Variants in GRK5 observed in about 807,000 individuals in gnomAD.
The protein encoded by GRK5 is G protein-coupled receptor kinase 5, also known as g protein-coupled receptor kinase GRK5.
Under a neutral mutation model 78.4 loss-of-function variants are expected in GRK5, and 40 were observed. That is an observed-to-expected ratio of 0.51 (90% CI 0.40 to 0.66). The LOEUF (loss-of-function observed/expected upper bound fraction) is 0.66, where lower values mean the gene tolerates loss of function less well. Ranked by LOEUF, GRK5 falls within the 30% of genes least tolerant of loss-of-function variation. The pLI is 0.00. For synonymous variants in GRK5, 289 were observed against 296.8 expected (o/e 0.97, Z 0.27); for missense variants, 598 against 759.9 (o/e 0.79, Z 2.50).
At chr10:119,367,124 T>C (rs1220230457) in intron 2 of GRK5, among the ~76,000 whole-genome samples, 3 of 152,172 alleles carry the variant, frequency 2.0e-5, no homozygotes, top group Non-Finnish European at 4.4e-5. Context: ...ATACATCAGG[T>C]GGCAAAGTGG....
At chr10:119,327,370 C>G (rs1850696986) in intron 2 of GRK5, among the ~76,000 whole-genome samples, 2 of 152,190 alleles carry the variant, frequency 1.3e-5, no homozygotes, top group Admixed American at 1.3e-4. Flanking sequence ...GGGGTCCCGG[C>G]CCTTCTCCCC....
At chr10:119,443,205 A>C (rs945705613) in intron 11 of GRK5, among the ~76,000 whole-genome samples, 1 of 152,212 alleles carries the variant, frequency 6.6e-6, no homozygotes, top group Non-Finnish European at 1.5e-5. Flanking sequence ...ATTTGGGTAG[A>C]TACACCTTTA....
At chr10:119,427,802 T>G (rs923889800) in intron 6 of GRK5, among the ~76,000 whole-genome samples, 4 of 129,232 alleles carry the variant, frequency 3.1e-5, no homozygotes, top group African/African-American at 2.5e-5. Flanking sequence ...ATCACCACCA[T>G]CAACAGCATC....
intron 1 of GRK5, among the ~76,000 whole-genome samples, chr10:119,233,582 G>C (rs1848866660): frequency 6.6e-6 from 1 of 152,184 alleles, no homozygotes; most frequent in Non-Finnish European, 1.5e-5. Flanking sequence ...CTGGGGGCCA[G>C]ATGTACCCCC....
At chr10:119,340,006 G>A (rs1564897314) in intron 2 of GRK5, among the ~76,000 whole-genome samples, 2 of 152,350 alleles carry the variant, frequency 1.3e-5, no homozygotes, top group East Asian at 3.9e-4. Context: ...CCAGCCAGCA[G>A]TAGAAAGGAA....
chr10:119,246,594 T>C (rs1849117164), intron 1 of GRK5, among the ~76,000 whole-genome samples: 1 of 152,248 alleles, frequency 6.6e-6, no homozygotes, highest in Non-Finnish European at 1.5e-5. Context: ...TAATGTCCTA[T>C]CACCAGTTAA....
rs115120519 is a variant in GRK5 at position 119,399,014 on chromosome 10, C to T, written c.339+2242C>T. Among the ~76,000 whole-genome samples, 868 of 152,340 alleles carry T rather than the reference C, an allele frequency of 5.7e-3. 6 individuals carry two copies. Among genetic ancestry groups the T allele is most frequent in the African/African-American group, 0.02 (828 of 41,566 alleles). ...CGGGTTGCCCCGTGGCCAACCTTGTCCAGAAGCCCCTGCTGGCAGCCCCTG... is the reference window on the plus strand; with the variant it reads ...CGGGTTGCCCCGTGGCCAACCTTGTTCAGAAGCCCCTGCTGGCAGCCCCTG... On this transcript the variant is annotated intron_variant, in intron 4 of 15. Coordinates refer to ENST00000392870, the MANE Select transcript of GRK5 (RefSeq NM_005308.3).
At chr10:119,274,799 G>A (rs780938915) in intron 1 of GRK5, among the ~76,000 whole-genome samples, 38 of 152,202 alleles carry the variant, frequency 2.5e-4, no homozygotes, top group Non-Finnish European at 1.3e-4. Context: ...ACACTGATCG[G>A]GAAGTCAGCA....
At chr10:119,216,819 G>T (rs1015439988) in intron 1 of GRK5, among the ~76,000 whole-genome samples, 16 of 152,188 alleles carry the variant, frequency 1.1e-4, no homozygotes, top group African/African-American at 3.9e-4. Flanking sequence ...GGATGTGGTG[G>T]TGGGTGCCTA....
intron 2 of GRK5, among the ~76,000 whole-genome samples, chr10:119,376,348 G>A (rs1158512707): frequency 6.6e-6 from 1 of 152,142 alleles, no homozygotes; most frequent in Admixed American, 6.5e-5. Flanking sequence ...TATAAGATGT[G>A]TCCCTTCCCA....
intron 5 of GRK5, 31 bp downstream of exon 5, chr10:119,423,297 C>A (rs778357791): frequency 1.3e-6 from 2 of 1,496,880 alleles, no homozygotes; most frequent in African/African-American, 2.8e-5. Flanking sequence ...GCCTGTCCTC[C>A]CCGGGCTGCC....
chr10:119,304,284 CTTTTTTTTTTTT>C lies in GRK5; in HGVS notation c.53-22218_53-22207del, dbSNP rs59740732. On this transcript the variant is annotated intron_variant, in intron 1 of 15. Coordinates refer to ENST00000392870, the MANE Select transcript of GRK5 (RefSeq NM_005308.3). ...AGCAGTATGCTAACTGTGTGAGCTG[CTTTTTTTTTTTT>C]TTTTTTTTTTTTTGACAGGGTCTTG... Among the ~76,000 whole-genome samples the C allele has an allele frequency of 5.2e-4, 39 of 75,052 alleles. No homozygotes were observed. In the Admixed American group the frequency reaches 6.5e-3, roughly 12 times the overall value. The allele number at this position is 75,052 out of a possible 152,430, so 49.2% of individuals were successfully genotyped here.
rs563651388 is a variant in GRK5, at chr10:119,226,277, A to G, written c.52+18308A>G. On this transcript the variant is annotated intron_variant, in intron 1 of 15. Coordinates refer to ENST00000392870, the MANE Select transcript of GRK5 (RefSeq NM_005308.3). Reference sequence around the variant, plus strand: ...ACAGGTGTGAGCCACTGTGCCTGGCATCTTCTTCTTTTTCTTTTTTTTTTT... The same window carrying G: ...ACAGGTGTGAGCCACTGTGCCTGGCGTCTTCTTCTTTTTCTTTTTTTTTTT... Among the ~76,000 whole-genome samples the G allele has an allele frequency of 1.9e-4, 27 of 143,006 alleles. 1 individual carries two copies. The South Asian group carries it at 6.0e-3, about 32-fold the overall frequency. 93.8% of individuals were successfully genotyped at this position (143,006 alleles called of 152,430 possible).
At chr10:119,281,447 G>A (rs905191342) in intron 1 of GRK5, among the ~76,000 whole-genome samples, 2 of 152,202 alleles carry the variant, frequency 1.3e-5, no homozygotes, top group African/African-American at 4.8e-5. Flanking sequence ...TAGGTGTCGA[G>A]CACCCAGAAG....
At chr10:119,439,819 A>G (rs761536918) in intron 10 of GRK5, 51 bp downstream of exon 10, 1 of 1,560,392 alleles carries the variant, frequency 6.4e-7, no homozygotes, top group Admixed American at 1.7e-5. Flanking sequence ...ACCCCAAGAA[A>G]GCAAAGGGCC....
intron 4 of GRK5, among the ~76,000 whole-genome samples, chr10:119,413,361 C>CT (rs945090848): frequency 6.6e-6 from 1 of 151,426 alleles, no homozygotes; most frequent in African/African-American, 2.4e-5. Flanking sequence ...CTGCTATTCT[C>CT]TATCTCCTTC....
At chr10:119,390,261 GAAAGAGGTTT>G (rs140124518) in intron 3 of GRK5, among the ~76,000 whole-genome samples, 7,764 of 152,246 alleles carry the variant, frequency 0.051, 356 homozygotes, top group East Asian at 0.22. Context: ...GTTTACAAAA[GAAAGAGGTTT>G]AACGGACTCA....
chr10:119,440,587 G>A (rs1160840690), intron 10 of GRK5, among the ~76,000 whole-genome samples: 1 of 138,716 alleles, frequency 7.2e-6, no homozygotes, highest in Non-Finnish European at 1.5e-5. Context: ...TTTTACTCTT[G>A]TTGCCCAGGC....
intron 2 of GRK5, among the ~76,000 whole-genome samples, chr10:119,332,107 ATTTTTTTT>A (rs35213335): frequency 3.0e-5 from 4 of 131,830 alleles, no homozygotes; most frequent in African/African-American, 1.1e-4. Flanking sequence ...TGTAATTTTG[ATTTTTTTT>A]TTTTTTTTTG....
Sources: gnomAD v4.1 joint callset for allele counts (sites outside exome capture counted in the v4.1 genomes callset) on GRCh38, gnomAD v4.1.1 for gene constraint, MANE v1.5 for transcripts, NCBI Gene and HGNC (gene_info 2026-07-23, HGNC 2026-07-21) for gene names.